TLR1: variants seen among roughly 807,000 people sequenced by gnomAD.
The protein encoded by TLR1 is toll like receptor 1, also known as toll-like receptor 1.
In TLR1, 19 loss-of-function variants were observed where a neutral mutation model predicts 20.2. That is an observed-to-expected ratio of 0.94 (90% CI 0.66 to 1.38). The LOEUF (loss-of-function observed/expected upper bound fraction) is 1.38. TLR1 is among the 40% of genes most tolerant of loss of function. The pLI, the probability that TLR1 is intolerant of heterozygous loss-of-function variation, is 0.00. For synonymous variants in TLR1, 320 were observed against 334.5 expected (o/e 0.96, Z 0.47); for missense variants, 921 against 910.0 (o/e 1.01, Z -0.16).
At chr4:38,790,006 C>T (rs1416376839), downstream of TLR1, among the ~76,000 whole-genome samples, 1 of 152,190 alleles carries the variant, frequency 6.6e-6, no homozygotes, top group Non-Finnish European at 1.5e-5. Context: ...ATTTTCCTCA[C>T]ATTCCCAAAT....
At chr4:38,803,849 A>T (rs1726842166) in intron 2 of TLR1, among the ~76,000 whole-genome samples, 1 of 152,226 alleles carries the variant, frequency 6.6e-6, no homozygotes, top group Admixed American at 6.5e-5. Context: ...GTGAATTTTC[A>T]TTATTATGAT....
intron 3 of TLR1, among the ~76,000 whole-genome samples, chr4:38,799,658 T>G (rs191823817): frequency 2.4e-4 from 36 of 152,338 alleles, no homozygotes; most frequent in Admixed American, 9.2e-4. Context: ...TTTCACTCTT[T>G]GACGTACATC....
At chr4:38,804,885 ACCG>A (rs1579221308), upstream of TLR1, 2 of 152,298 alleles carry the variant, frequency 1.3e-5, no homozygotes, top group East Asian at 3.9e-4. Flanking sequence ...TATGCCACCT[ACCG>A]AATTCCACTG....
At position 38,797,918 on chromosome 4, in the gene TLR1, T is replaced by C. The variant is rs3923647; in HGVS notation, c.914A>G (p.His305Arg). The change falls in exon 4 of 4, where the codon CAC becomes CGC. Residue 305 changes from histidine (H) to arginine (R), a missense_variant. By Grantham distance (29) the His-to-Arg change is conservative (BLOSUM62 0). Transcript: ENST00000308979. The part of the protein sequence containing the change: ...SGTSLKALSI[H>R]QVVSDVFGFP... Reference sequence around the variant, plus strand: ...ACCGAACACATCGCTGACAACTTGGTGTATAGACAAGGCCTTCAAGGAAGT... The same window carrying C: ...ACCGAACACATCGCTGACAACTTGGCGTATAGACAAGGCCTTCAAGGAAGT... 3 of 1,614,124 alleles carry C rather than the reference T, an allele frequency of 1.9e-6. No homozygotes were observed. Among genetic ancestry groups the C allele is most frequent in the Middle Eastern group, 3.3e-4 (2 of 6,062 alleles).
chr4:38,800,093 GAC>G (rs1726531283), intron 3 of TLR1, among the ~76,000 whole-genome samples: 1 of 152,114 alleles, frequency 6.6e-6, no homozygotes, highest in Non-Finnish European at 1.5e-5. Context: ...TTGAGATGAT[GAC>G]ACTAGAGTAG....
chr4:38,796,704 C>A lies in TLR1; in HGVS notation c.2128G>T (p.Glu710Ter), dbSNP rs1726091972. Residue 710 changes from glutamate to a stop codon, truncating the protein, a stop_gained, in exon 4 of 4, where the codon GAA (glutamate) becomes TAA (stop). Coordinates refer to ENST00000308979, the MANE Select transcript of TLR1 (RefSeq NM_003263.4). LOFTEE classifies it high-confidence loss of function. ...AGATTGTGATGGGCAAAGTAGAGTT[C>A]ATAATGGCACCATTCACTCTGGACA... is the stretch of plus-strand genomic sequence containing the variant. ...NFVQSEWCHY[E>*]LYFAHHNLFH... The A allele has an allele frequency of 6.2e-7, 1 of 1,614,150 alleles. No individual in the cohort carries two copies. The highest frequency in any genetic ancestry group is 2.2e-5 in the East Asian group (1 of 44,882).
chr4:38,798,430 C>G lies in TLR1; in HGVS notation c.402G>C (p.Glu134Asp). ...NAFDALPICK[E>D]FGNMSQLKFL... is the part of the protein sequence containing the mutation. The stretch of plus-strand genomic sequence containing the variant: ...ATTTTAGTTGAGACATATTGCCAAA[C>G]TCTTTGCATATAGGCAGGGCATCAA... Residue 134 changes from glutamate to aspartate, a missense_variant, in exon 4 of 4, where the codon GAG (glutamate) becomes GAC (aspartate). Physicochemically the swap from Glu to Asp is conservative, Grantham distance 45. Transcript: ENST00000308979. 6.2e-7 allele frequency: 1 copy of G among 1,613,572 alleles called. No homozygotes were observed. Among genetic ancestry groups the G allele is most frequent in the Non-Finnish European group, 8.5e-7 (1 of 1,179,632 alleles).
exon 4 of TLR1, chr4:38,791,178 G>C (rs775115940): frequency 3.3e-5 from 5 of 152,234 alleles, no homozygotes; most frequent in Non-Finnish European, 7.3e-5. Flanking sequence ...GAGAATGTGA[G>C]AGTCAGCCAG....
downstream of TLR1, among the ~76,000 whole-genome samples, chr4:38,788,119 G>T (rs4833093): frequency 0.32 from 48,168 of 151,804 alleles, 8,822 homozygotes; most frequent in Middle Eastern, 0.52. Context: ...AAATAAATAT[G>T]AAAGAAAAAT....
chr4:38,792,800 G>A (rs191136512), downstream of TLR1, among the ~76,000 whole-genome samples: 1 of 147,146 alleles, frequency 6.8e-6, no homozygotes, highest in Non-Finnish European at 1.5e-5. Context: ...ATTTCCTTAG[G>A]ATAAATTCCT....
rs773240533 is a variant in TLR1, at chr4:38,797,850, T to C, written c.982A>G (p.Ile328Val). 10 of 1,614,060 alleles carry C rather than the reference T, an allele frequency of 6.2e-6. No homozygotes were observed. The South Asian group carries it at 8.8e-5, about 14-fold the overall frequency. The change falls in exon 4 of 4, where the codon ATC becomes GTC. Residue 328 changes from isoleucine (I) to valine (V), a missense_variant. Physicochemically the swap from Ile to Val is conservative, Grantham distance 29. Coordinates refer to ENST00000308979, the MANE Select transcript of TLR1 (RefSeq NM_003263.4). Reference sequence around the variant, plus strand: ...GTACCAGACACTGTGAAATTTTTGATGTTCATATTCGAAAAGATTTCATAG... The same window carrying C: ...GTACCAGACACTGTGAAATTTTTGACGTTCATATTCGAAAAGATTTCATAG... The part of the protein sequence containing the change: ...YIYEIFSNMN[I>V]KNFTVSGTRM...
downstream of TLR1, among the ~76,000 whole-genome samples, chr4:38,792,003 C>G (rs988080545): frequency 6.6e-6 from 1 of 152,136 alleles, no homozygotes; most frequent in Non-Finnish European, 1.5e-5. Context: ...TAGCCATGAC[C>G]CTGAGATAAG....
downstream of TLR1, chr4:38,790,556 C>T (rs1725691772): frequency 6.6e-6 from 1 of 151,928 alleles, no homozygotes; most frequent in South Asian, 2.1e-4. Context: ...AGAGAAAGTG[C>T]CTTGGTTTGG....
downstream of TLR1, chr4:38,796,192 G>A (rs1726038395): frequency 2.5e-6 from 1 of 392,452 alleles, no homozygotes; most frequent in Non-Finnish European, 4.6e-6. Context: ...AGAAAAACAG[G>A]TGCTTCCCTT....
At chr4:38,788,776 G>T (rs1725656130), downstream of TLR1, among the ~76,000 whole-genome samples, 1 of 152,202 alleles carries the variant, frequency 6.6e-6, no homozygotes, top group Non-Finnish European at 1.5e-5. Flanking sequence ...GGAGGCCAAG[G>T]CAGGAGGATC....
chr4:38,803,077 G>A (rs1456847042), intron 2 of TLR1, among the ~76,000 whole-genome samples: 1 of 152,208 alleles, frequency 6.6e-6, no homozygotes, highest in Non-Finnish European at 1.5e-5. Flanking sequence ...GCAAGGGAGA[G>A]CCGGACGCAC....
At chr4:38,794,904 TTTTTA>T (rs374254932), downstream of TLR1, among the ~76,000 whole-genome samples, 324 of 152,276 alleles carry the variant, frequency 2.1e-3, 2 homozygotes, top group African/African-American at 7.4e-3. Flanking sequence ...TTTTTGTTGC[TTTTTA>T]TTTTATTTAT....
chr4:38,800,395 C>T (rs1047491638), intron 3 of TLR1: 4 of 152,162 alleles, frequency 2.6e-5, no homozygotes, highest in Non-Finnish European at 5.9e-5. Context: ...TTCCTCCTCT[C>T]TCTTATTCAG....
At chr4:38,796,232 T>C (rs1282000645), downstream of TLR1, 17 of 495,414 alleles carry the variant, frequency 3.4e-5, no homozygotes, top group Non-Finnish European at 5.3e-5. Flanking sequence ...AACTCAGTTA[T>C]AGCAAAGAAA....
Sources: gnomAD v4.1 joint callset for allele counts (sites outside exome capture counted in the v4.1 genomes callset) on GRCh38, gnomAD v4.1.1 for gene constraint, MANE v1.5 for transcripts, NCBI Gene and HGNC (gene_info 2026-07-23, HGNC 2026-07-21) for gene names.